HERC3: variants seen among roughly 807,000 people sequenced by gnomAD.
HERC3 encodes probable E3 ubiquitin-protein ligase HERC3.
HERC3 carries 58 observed loss-of-function variants against 129.9 expected under a neutral mutation model. That is an observed-to-expected ratio of 0.45 (90% confidence interval 0.36 to 0.56). The LOEUF is 0.56. Among genes scored for constraint, HERC3 ranks in the 20% least tolerant of loss-of-function variants. The probability of loss-of-function intolerance (pLI) is 0.00; values close to 1 mark genes in which losing one functional copy is unlikely to be tolerated. For missense variants in HERC3, 835 were observed against 1,244.2 expected, an observed-to-expected ratio of 0.67 and a Z score of 4.95; for synonymous variants, 430 against 451.0, an observed-to-expected ratio of 0.95 and a Z score of 0.59.
At chr4:88,650,397 A>G (rs1015378987) in intron 4 of HERC3, among the ~76,000 whole-genome samples, 1 of 152,254 alleles carries the variant, frequency 6.6e-6, no homozygotes, top group East Asian at 1.9e-4. Flanking sequence ...TGATAGGCCA[A>G]ATCACTTTAA....
chr4:88,530,250 AC>A, the HERC3 span, among the ~76,000 whole-genome samples: 1 of 152,110 alleles, frequency 6.6e-6, no homozygotes, highest in African/African-American at 2.4e-5. Flanking sequence ...AGATCGTGCC[AC>A]TGCACTCCAG....
the HERC3 span, chr4:88,524,891 G>C: frequency 6.6e-6 from 1 of 151,658 alleles, no homozygotes; most frequent in African/African-American, 2.4e-5. Context: ...TTGAGTTCCT[G>C]GAGCTGGAAG....
chr4:88,605,224 C>T (rs1723496863), intron 2 of HERC3, among the ~76,000 whole-genome samples: 2 of 152,092 alleles, frequency 1.3e-5, no homozygotes, highest in Non-Finnish European at 2.9e-5. Context: ...GGAAGTGAGG[C>T]TTGACTCAAA....
chr4:88,651,709 C>T (rs777265171), intron 4 of HERC3, among the ~76,000 whole-genome samples: 13 of 152,216 alleles, frequency 8.5e-5, no homozygotes, highest in South Asian at 2.1e-4. Context: ...CTCAGCCTCC[C>T]GAGTAGCTGG....
At chr4:88,541,286 G>A in the HERC3 span, among the ~76,000 whole-genome samples, 1 of 152,124 alleles carries the variant, frequency 6.6e-6, no homozygotes, top group Non-Finnish European at 1.5e-5. Context: ...AGCAGAGGTT[G>A]CAACCCTAGT....
chr4:88,655,034 C>G, intron 7 of HERC3, 140 bp from the exon 8 acceptor site: 1 of 663,136 alleles, frequency 1.5e-6, no homozygotes, highest in Middle Eastern at 2.7e-4. Context: ...TAATGAACAT[C>G]CTTACAAAGT....
rs1177501102 is a variant in HERC3 at position 88,601,776 on chromosome 4, G to GAAA, written c.-29-4019_-29-4018insAAA. Among the ~76,000 whole-genome samples the GAAA allele has an allele frequency of 4.4e-5, 4 of 91,554 alleles. No individual in the cohort carries two copies. The African/African-American group carries it at 7.4e-4, about 17-fold the overall frequency. 60.1% of individuals were successfully genotyped at this position (91,554 alleles called of 152,430 possible). On this transcript the variant is annotated intron_variant, in intron 2 of 25. Coordinates refer to ENST00000402738, the MANE Select transcript of HERC3 (RefSeq NM_014606.3). ...TATGATTAGAAAAGGATATTCAGGGGCCGGGCGCGGTGGCTTACGCCTGTA... is the reference window on the plus strand; with the variant it reads ...TATGATTAGAAAAGGATATTCAGGGGAAACCGGGCGCGGTGGCTTACGCCTGTA...
At chr4:88,665,281 A>C (rs1011321875) in intron 12 of HERC3, among the ~76,000 whole-genome samples, 1 of 152,232 alleles carries the variant, frequency 6.6e-6, no homozygotes, top group South Asian at 2.1e-4. Context: ...GCGAGCCAGC[A>C]TCATAGCTTA....
chr4:88,664,243 A>G, intron 12 of HERC3, 31 bp downstream of exon 12: 1 of 1,557,164 alleles, frequency 6.4e-7, no homozygotes, highest in Non-Finnish European at 8.9e-7. Flanking sequence ...AAAAACCCTC[A>G]CGTGTACCTG....
intron 23 of HERC3, among the ~76,000 whole-genome samples, chr4:88,701,960 G>T (rs1030074893): frequency 1.3e-5 from 2 of 151,954 alleles, no homozygotes; most frequent in Non-Finnish European, 2.9e-5. Context: ...GCACCACCAG[G>T]CCTGGCTAAT....
At chr4:88,550,590 C>A in the HERC3 span, among the ~76,000 whole-genome samples, 1 of 152,110 alleles carries the variant, frequency 6.6e-6, no homozygotes, top group Non-Finnish European at 1.5e-5. Context: ...ACGTGAAGGA[C>A]CTCTTCAAGG....
chr4:88,538,640 T>A, the HERC3 span, among the ~76,000 whole-genome samples: 2 of 151,544 alleles, frequency 1.3e-5, no homozygotes, highest in South Asian at 4.2e-4. Flanking sequence ...GCCTCCTGGG[T>A]TCACGCTATT....
rs201584699 is a variant in HERC3, at chr4:88,622,927, C to CA, written c.226+16885dup. Among the ~76,000 whole-genome samples the CA allele has an allele frequency of 2.1e-3, 320 of 151,894 alleles. 4 individuals carry two copies. The highest frequency in any genetic ancestry group is 0.012 in the Admixed American group (187 of 15,260). On this transcript the variant is annotated intron_variant, in intron 3 of 25. Transcript: ENST00000402738. ...CTTGTGACAGAGTGAGACTCCATCA[C>CA]AAAAAAACAAAAACAAAAATGCAGA...
At chr4:88,697,304 C>G in intron 23 of HERC3, 1 of 1,610,244 alleles carries the variant, frequency 6.2e-7, no homozygotes, top group East Asian at 2.2e-5. Flanking sequence ...TCGTCTTCCC[C>G]CTCCTCCTCG....
chr4:88,574,977 C>T, the HERC3 span, among the ~76,000 whole-genome samples: 3 of 152,172 alleles, frequency 2.0e-5, no homozygotes, highest in Middle Eastern at 0.01. Context: ...ATATTTAATA[C>T]TTTCAGAATA....
intron 3 of HERC3, among the ~76,000 whole-genome samples, chr4:88,634,801 G>A (rs1478785423): frequency 6.6e-6 from 1 of 151,820 alleles, no homozygotes; most frequent in Non-Finnish European, 1.5e-5. Flanking sequence ...GGAAGGAGCA[G>A]GCACCCATCT....
At chr4:88,706,658 A>G in intron 25 of HERC3, 94 bp from the exon 26 acceptor site, 2 of 914,036 alleles carry the variant, frequency 2.2e-6, no homozygotes, top group Non-Finnish European at 3.5e-6. Context: ...TGCAAGCCAC[A>G]GGGTGTCATG....
chr4:88,689,532 CA>C (rs34892852), intron 23 of HERC3, among the ~76,000 whole-genome samples: 36,654 of 103,442 alleles, frequency 0.35, 5,918 homozygotes, highest in African/African-American at 0.5. Context: ...CCGCCCCCGC[CA>C]AAAAAAAAAA....
At chr4:88,528,093 A>G in the HERC3 span, 132 of 277,478 alleles carry the variant, frequency 4.8e-4, no homozygotes, top group African/African-American at 1.8e-3. Flanking sequence ...TATATGTGCA[A>G]TCCAGGTGGT....
Sources: gnomAD v4.1 joint callset for allele counts (sites outside exome capture counted in the v4.1 genomes callset) on GRCh38, gnomAD v4.1.1 for gene constraint, MANE v1.5 for transcripts, NCBI Gene and HGNC (gene_info 2026-07-23, HGNC 2026-07-21) for gene names.